Variants in CHCHD6 observed in about 807,000 individuals in gnomAD.
CHCHD6 encodes MICOS complex subunit MIC25.
CHCHD6 carries 28 observed loss-of-function variants against 32.3 expected under a neutral mutation model. That is an observed-to-expected ratio of 0.87 (90% CI 0.64 to 1.19). The LOEUF (loss-of-function observed/expected upper bound fraction) is 1.19. CHCHD6 is among the 50% of genes most tolerant of loss of function. The pLI, the probability that CHCHD6 is intolerant of heterozygous loss-of-function variation, is 0.00. For synonymous variants in CHCHD6, 122 were observed against 117.5 expected, an observed-to-expected ratio of 1.04 and a Z score of -0.25; for missense variants, 333 against 307.0, an observed-to-expected ratio of 1.08 and a Z score of -0.63.
chr3:126,714,103 A>AT (rs1162121930), intron 1 of CHCHD6, among the ~76,000 whole-genome samples: 2 of 146,250 alleles, frequency 1.4e-5, no homozygotes, highest in African/African-American at 2.5e-5. Flanking sequence ...AAAAAAAAAA[A>AT]GTTGGGAGGC....
At chr3:126,863,511 C>T (rs1942054040) in intron 5 of CHCHD6, among the ~76,000 whole-genome samples, 2 of 145,472 alleles carry the variant, frequency 1.4e-5, no homozygotes, top group Admixed American at 6.8e-5. Flanking sequence ...CTATCACCAC[C>T]TCCTCCTCCA....
chr3:126,714,267 G>A (rs1460944169), intron 1 of CHCHD6, among the ~76,000 whole-genome samples: 1 of 151,948 alleles, frequency 6.6e-6, no homozygotes, highest in African/African-American at 2.4e-5. Context: ...CTTGCATGGT[G>A]CTTTATAAAT....
At chr3:126,707,906 A>G (rs548080638) in intron 1 of CHCHD6, among the ~76,000 whole-genome samples, 120 of 152,360 alleles carry the variant, frequency 7.9e-4, no homozygotes, top group African/African-American at 2.8e-3. Flanking sequence ...CTTGCCCAGC[A>G]CTGGGCCTGG....
chr3:126,802,211 G>A (rs1939114388), intron 4 of CHCHD6, among the ~76,000 whole-genome samples: 1 of 152,256 alleles, frequency 6.6e-6, no homozygotes, highest in Non-Finnish European at 1.5e-5. Flanking sequence ...AAAGCTGGAT[G>A]GAGAATGACT....
intron 4 of CHCHD6, among the ~76,000 whole-genome samples, chr3:126,747,914 C>G (rs1936569045): frequency 1.3e-5 from 2 of 152,192 alleles, no homozygotes; most frequent in South Asian, 4.1e-4. Context: ...TCTCTGACCT[C>G]CTGGGCGTTA....
At chr3:126,760,383 C>T (rs1339153187) in intron 4 of CHCHD6, among the ~76,000 whole-genome samples, 1 of 152,134 alleles carries the variant, frequency 6.6e-6, no homozygotes, top group Non-Finnish European at 1.5e-5. Flanking sequence ...TTTAAGTATA[C>T]AATTCATTGG....
At chr3:126,831,335 G>A (rs1027000938) in intron 4 of CHCHD6, among the ~76,000 whole-genome samples, 2 of 152,120 alleles carry the variant, frequency 1.3e-5, no homozygotes, top group African/African-American at 4.8e-5. Flanking sequence ...AGCCCTGCCA[G>A]CCTTTAACTA....
At chr3:126,815,655 C>CAT (rs1491014018) in intron 4 of CHCHD6, among the ~76,000 whole-genome samples, 1,614 of 147,482 alleles carry the variant, frequency 0.011, 20 homozygotes, top group Middle Eastern at 0.039. Flanking sequence ...CCCCCCCCCC[C>CAT]CATCTGTGTC....
intron 4 of CHCHD6, among the ~76,000 whole-genome samples, chr3:126,768,126 G>A (rs1217218884): frequency 1.3e-5 from 2 of 152,170 alleles, no homozygotes; most frequent in Non-Finnish European, 2.9e-5. Flanking sequence ...AGTGTTGGAG[G>A]TGGGGCCTAG....
At chr3:126,907,941 C>T (rs761122953) in intron 5 of CHCHD6, among the ~76,000 whole-genome samples, 4 of 152,196 alleles carry the variant, frequency 2.6e-5, no homozygotes, top group African/African-American at 7.2e-5. Flanking sequence ...GGCCTGTCCT[C>T]GGATCCTGTT....
At chr3:126,753,612 T>A (rs146644801) in intron 4 of CHCHD6, among the ~76,000 whole-genome samples, 4 of 152,356 alleles carry the variant, frequency 2.6e-5, no homozygotes, top group African/African-American at 9.6e-5. Context: ...TAAAGATCAG[T>A]GTCCTGCCTC....
At chr3:126,839,719 G>C (rs1230816652) in intron 4 of CHCHD6, among the ~76,000 whole-genome samples, 5 of 151,828 alleles carry the variant, frequency 3.3e-5, no homozygotes, top group Admixed American at 2.0e-4. Flanking sequence ...CCCACCTCAG[G>C]CTTTTTTTTC....
At chr3:126,921,073 G>A (rs1357211444) in intron 6 of CHCHD6, among the ~76,000 whole-genome samples, 1 of 109,762 alleles carries the variant, frequency 9.1e-6, no homozygotes, top group Non-Finnish European at 2.2e-5. Context: ...AGTTTGCCAA[G>A]CAGTAAAGGG....
At chr3:126,839,101 G>A (rs1228773847) in intron 4 of CHCHD6, among the ~76,000 whole-genome samples, 1 of 151,874 alleles carries the variant, frequency 6.6e-6, no homozygotes, top group African/African-American at 2.4e-5. Context: ...CATTGCCTGA[G>A]CTGGTCTTGA....
chr3:126,944,283 G>T (rs1484124733), intron 6 of CHCHD6, among the ~76,000 whole-genome samples: 1 of 152,268 alleles, frequency 6.6e-6, no homozygotes, highest in Non-Finnish European at 1.5e-5. Context: ...AAGGCCCCAG[G>T]TCAGACTGCA....
At chr3:126,906,244 T>C (rs2078003541) in intron 5 of CHCHD6, among the ~76,000 whole-genome samples, 1 of 152,222 alleles carries the variant, frequency 6.6e-6, no homozygotes, top group South Asian at 2.1e-4. Context: ...CCTCAGGGAA[T>C]GACCCACCCA....
chr3:126,806,097 C>A (rs529913554), intron 4 of CHCHD6, among the ~76,000 whole-genome samples: 1 of 152,088 alleles, frequency 6.6e-6, no homozygotes, highest in African/African-American at 2.4e-5. Context: ...CCATAAAAAC[C>A]CTAGAAGAAA....
chr3:126,924,320 T>C (rs73209614), intron 6 of CHCHD6, among the ~76,000 whole-genome samples: 3,850 of 152,324 alleles, frequency 0.025, 60 homozygotes, highest in Middle Eastern at 0.061. Context: ...TAGTTATCTC[T>C]GGTTAGTTCG....
At chr3:126,878,708 A>G (rs533062496) in intron 5 of CHCHD6, among the ~76,000 whole-genome samples, 14 of 152,358 alleles carry the variant, frequency 9.2e-5, no homozygotes, top group African/African-American at 3.4e-4. Flanking sequence ...GTCTGAAGCT[A>G]TTGGATGAAA....
Sources: gnomAD v4.1 joint callset for allele counts (sites outside exome capture counted in the v4.1 genomes callset) on GRCh38, gnomAD v4.1.1 for gene constraint, MANE v1.5 for transcripts, NCBI Gene and HGNC (gene_info 2026-07-23, HGNC 2026-07-21) for gene names.